Variants in HERC4 observed in about 807,000 individuals in gnomAD.
The protein encoded by HERC4 is HECT and RLD domain containing E3 ubiquitin protein ligase 4.
In HERC4, 28 loss-of-function variants were observed where a neutral mutation model predicts 124.3. The ratio of observed to expected loss-of-function variants is 0.23; its 90% CI spans 0.17 to 0.31. The LOEUF is 0.31. HERC4 is among the 10% of genes least tolerant of loss of function. The pLI, the probability that HERC4 is intolerant of heterozygous loss-of-function variation, is 1.00. For missense variants in HERC4, 713 were observed against 1,229.3 expected, an observed-to-expected ratio of 0.58 and a Z score of 6.28; for synonymous variants, 407 against 421.5, an observed-to-expected ratio of 0.97 and a Z score of 0.42.
intron 3 of HERC4, among the ~76,000 whole-genome samples, chr10:68,045,361 A>G (rs74621981): frequency 0.03 from 4,645 of 152,310 alleles, 247 homozygotes; most frequent in African/African-American, 0.11. Flanking sequence ...AATAATCTGA[A>G]TTAGCAATTT....
rs146887700 is a variant in HERC4 at position 67,923,092 on chromosome 10, G to T, written c.2989C>A (p.Leu997Met). The T allele has an allele frequency of 1.9e-6, 3 of 1,613,858 alleles. No homozygotes were observed. Among genetic ancestry groups the T allele is most frequent in the Non-Finnish European group, 2.5e-6 (3 of 1,179,938 alleles). The change falls in exon 25 of 25, where the codon CTG becomes ATG. Residue 997 changes from leucine to methionine, a missense_variant. Coordinates refer to ENST00000373700, the MANE Select transcript of HERC4 (RefSeq NM_015601.4). ...DRIPILGMKS[L>M]KLVIQSTGGG... ...CCTGTGGACTGGATGACTAGTTTCA[G>T]ACTCTTCATACCAAGAATAGGAATG...
intron 23 of HERC4, among the ~76,000 whole-genome samples, chr10:67,926,272 G>A (rs995627399): frequency 2.0e-5 from 3 of 152,098 alleles, no homozygotes; most frequent in Non-Finnish European, 4.4e-5. Context: ...GCAGGCGCCT[G>A]TAATCCCGGC....
At chr10:67,945,309 C>T (rs1204859710) in intron 19 of HERC4, among the ~76,000 whole-genome samples, 1 of 152,044 alleles carries the variant, frequency 6.6e-6, no homozygotes, top group Non-Finnish European at 1.5e-5. Flanking sequence ...ATTTACAGTG[C>T]TGAAGGAAAA....
At chr10:67,967,120 T>C (rs929348005) in intron 15 of HERC4, among the ~76,000 whole-genome samples, 3 of 152,142 alleles carry the variant, frequency 2.0e-5, no homozygotes, top group East Asian at 1.9e-4. Context: ...TCCCAAAGTG[T>C]TGGGATTACA....
rs1428547699 is a variant in HERC4 at position 68,010,221 on chromosome 10, G to A, written c.1069+3805C>T. 8.4e-6 allele frequency: 9 copies of A among 1,075,588 alleles called. No homozygotes were observed. The South Asian group carries it at 1.2e-4, about 14-fold the overall frequency. The allele number at this position is 1,075,588 out of a possible 1,614,324, so 66.6% of individuals were successfully genotyped here. ...CAGGCACCTCAGTTTGAATGCATGGGAGAGCCCAGAGTGGCGACAGAAACA... is the reference window on the plus strand; with the variant it reads ...CAGGCACCTCAGTTTGAATGCATGGAAGAGCCCAGAGTGGCGACAGAAACA... On this transcript the variant is annotated intron_variant, in intron 9 of 24. Transcript: ENST00000373700.
In HERC4 at chr10:68,063,166, C is replaced by G. The variant is rs116715134; in HGVS notation, c.226+9717G>C. On this transcript the variant is annotated intron_variant, in intron 3 of 24. Transcript: ENST00000373700. Reference sequence around the variant, plus strand: ...CCCTACTAGATCATTAAATGATATTCATCATGTTGTAATAGAAAGCTTGTC... The same window carrying G: ...CCCTACTAGATCATTAAATGATATTGATCATGTTGTAATAGAAAGCTTGTC... Among the ~76,000 whole-genome samples, 703 of 152,030 alleles carry G rather than the reference C, an allele frequency of 4.6e-3. 4 individuals carry two copies. The highest frequency in any genetic ancestry group is 0.016 in the African/African-American group (678 of 41,476).
At chr10:67,946,776 A>G (rs973973863) in intron 19 of HERC4, among the ~76,000 whole-genome samples, 1 of 152,028 alleles carries the variant, frequency 6.6e-6, no homozygotes, top group Non-Finnish European at 1.5e-5. Context: ...GCATGGTGGC[A>G]CACACCTGTA....
intron 5 of HERC4, among the ~76,000 whole-genome samples, chr10:68,034,628 C>A (rs1002197907): frequency 6.6e-6 from 1 of 152,106 alleles, no homozygotes; most frequent in Non-Finnish European, 1.5e-5. Context: ...CCCACATAAC[C>A]CATTGTTTAC....
intron 3 of HERC4, among the ~76,000 whole-genome samples, chr10:68,072,070 TTAAAA>T (rs1172102989): frequency 1.3e-5 from 2 of 152,174 alleles, no homozygotes; most frequent in South Asian, 2.1e-4. Context: ...ATTGTTACAG[TTAAAA>T]TAAACAGTAA....
intron 6 of HERC4, among the ~76,000 whole-genome samples, chr10:68,033,760 A>G (rs1406281962): frequency 1.3e-5 from 2 of 152,162 alleles, no homozygotes; most frequent in Admixed American, 1.3e-4. Flanking sequence ...TTTTGTCCAG[A>G]TATACTTTTT....
At chr10:68,036,680 TA>T (rs1453267915) in intron 5 of HERC4, among the ~76,000 whole-genome samples, 1 of 152,146 alleles carries the variant, frequency 6.6e-6, no homozygotes, top group African/African-American at 2.4e-5. Context: ...ACCACTTTCT[TA>T]ACTCTATGCC....
intron 3 of HERC4, among the ~76,000 whole-genome samples, chr10:68,051,811 C>A (rs2040327495): frequency 6.6e-6 from 1 of 151,238 alleles, no homozygotes; most frequent in Non-Finnish European, 1.5e-5. Context: ...ACCTCAGGCT[C>A]CTGAGTAGCT....
chr10:68,070,205 A>T, intron 3 of HERC4: 25 of 984,464 alleles, frequency 2.5e-5, no homozygotes, highest in Non-Finnish European at 3.0e-5. Flanking sequence ...TCAAATTCAC[A>T]AATTTAAAAA....
At chr10:68,053,785 T>A (rs1467368485) in intron 3 of HERC4, among the ~76,000 whole-genome samples, 2 of 152,204 alleles carry the variant, frequency 1.3e-5, no homozygotes, top group East Asian at 1.9e-4. Context: ...TGAATGCCCA[T>A]GTCCAGGAAT....
chr10:68,069,440 T>A, intron 3 of HERC4: 1 of 985,298 alleles, frequency 1.0e-6, no homozygotes, highest in Non-Finnish European at 1.2e-6. Flanking sequence ...GAGATGAACA[T>A]GAACATAATC....
intron 5 of HERC4, 23 bp from the exon 6 acceptor site, chr10:68,034,209 T>G: frequency 6.5e-7 from 1 of 1,538,258 alleles, no homozygotes; most frequent in Non-Finnish European, 8.9e-7. Context: ...AATGGAAAAA[T>G]TAACCATTTT....
intron 3 of HERC4, among the ~76,000 whole-genome samples, chr10:68,053,176 C>G (rs892104622): frequency 1.3e-5 from 2 of 152,056 alleles, no homozygotes; most frequent in African/African-American, 4.8e-5. Flanking sequence ...AATCATTGCC[C>G]CCGAAGAAAA....
chr10:67,982,478 A>T (rs2035988605), intron 15 of HERC4, among the ~76,000 whole-genome samples: 1 of 98,762 alleles, frequency 1.0e-5, no homozygotes, highest in African/African-American at 3.7e-5. Flanking sequence ...AAATCAAATC[A>T]AAATGATTAA....
intron 16 of HERC4, chr10:67,958,973 T>G: frequency 1.8e-6 from 1 of 544,788 alleles, no homozygotes. Flanking sequence ...ACAGACTGTA[T>G]TTTAAAAAAT....
Sources: allele counts gnomAD v4.1 joint callset (sites outside exome capture counted in the v4.1 genomes callset), GRCh38; gene constraint gnomAD v4.1.1; transcripts MANE v1.5; gene names NCBI Gene and HGNC (gene_info 2026-07-23, HGNC 2026-07-21).